Variants in CWC25 observed in about 807,000 individuals in gnomAD.
The protein encoded by CWC25 is pre-mRNA-splicing factor CWC25 homolog.
A neutral mutation model predicts 54.6 loss-of-function variants in CWC25; 31 were observed. That is an observed-to-expected ratio of 0.57 (90% confidence interval 0.43 to 0.77). CWC25 has a LOEUF of 0.77. Among genes scored for constraint, CWC25 ranks in the 30% least tolerant of loss-of-function variants. The probability of loss-of-function intolerance (pLI) is 0.00; values close to 1 mark genes in which losing one functional copy is unlikely to be tolerated. For synonymous variants in CWC25, 151 were observed against 187.0 expected, an observed-to-expected ratio of 0.81 and a Z score of 1.57; for missense variants, 453 against 529.3, an observed-to-expected ratio of 0.86 and a Z score of 1.41.
chr17:38,821,282 C>T lies in CWC25; in HGVS notation c.19-209G>A, dbSNP rs559724064. Reference sequence around the variant, plus strand: ...AAGTGTATAAAGCTTCAGGACAGGTCGGGCGCAGTGGCTCACACCTGTAAT... The same window carrying T: ...AAGTGTATAAAGCTTCAGGACAGGTTGGGCGCAGTGGCTCACACCTGTAAT... On this transcript the variant is annotated intron_variant, in intron 1 of 9. Transcript: ENST00000614790. Among the ~76,000 whole-genome samples the T allele has an allele frequency of 1.3e-4, 20 of 152,192 alleles. No homozygotes were observed. The South Asian group carries it at 2.7e-3, about 21-fold the overall frequency.
chr17:38,823,148 T>C lies in CWC25; in HGVS notation c.18+2018A>G, dbSNP rs963093834. ...CCACCACACCCAGCCTGACTCCAAC[T>C]TTTTTTTTAACTTTTTTTTTTTTTT... On this transcript the variant is annotated intron_variant, in intron 1 of 9. Transcript: ENST00000614790. Among the ~76,000 whole-genome samples the C allele has an allele frequency of 2.0e-5, 3 of 146,740 alleles. No homozygotes were observed. The South Asian group carries it at 6.4e-4, about 31-fold the overall frequency.
chr17:38,822,851 T>A (rs956610559), intron 1 of CWC25, among the ~76,000 whole-genome samples: 5 of 48,560 alleles, frequency 1.0e-4, no homozygotes, highest in African/African-American at 6.5e-4. Context: ...GCCTGGCCAA[T>A]TTTTTTTTTT....
chr17:38,815,849 C>CA (rs1911675720), intron 2 of CWC25: 1 of 327,486 alleles, frequency 3.1e-6, no homozygotes. Context: ...CTTGTGGGCA[C>CA]ACAGACACCA....
chr17:38,816,688 CT>C (rs148427978), intron 2 of CWC25, among the ~76,000 whole-genome samples: 353 of 148,916 alleles, frequency 2.4e-3, no homozygotes, highest in East Asian at 0.013. Flanking sequence ...GGCCATGACC[CT>C]TTTTTTTTTC....
chr17:38,822,282 C>T (rs1255107187), intron 1 of CWC25, among the ~76,000 whole-genome samples: 2 of 152,134 alleles, frequency 1.3e-5, no homozygotes, highest in Admixed American at 1.3e-4. Context: ...AGGCTGGTCT[C>T]AAACTCTCGA....
chr17:38,804,472 C>A (rs1404986811), intron 8 of CWC25, among the ~76,000 whole-genome samples: 2 of 152,004 alleles, frequency 1.3e-5, no homozygotes, highest in Non-Finnish European at 2.9e-5. Flanking sequence ...GAGTTCCAGA[C>A]CAGCCTGGAC....
In CWC25 at chr17:38,810,564, T is replaced by C. The variant is rs1481302342; in HGVS notation, c.530A>G (p.Lys177Arg). The change falls in exon 5 of 10, where the codon AAG becomes AGG. Residue 177 changes from lysine (K) to arginine (R), a missense_variant. Physicochemically the swap from Lys to Arg is conservative, Grantham distance 26. Transcript: ENST00000614790. ...LQMSLEKKEKKKKKEKKKKHK... is the reference protein window; with the variant it reads ...LQMSLEKKEKRKKKEKKKKHK... ...CTTCTTTTTCTTCTCCTTCTTTTTCTTCTTCTCCTTTTTTTCCAGACTCAT... is the reference window on the plus strand; with the variant it reads ...CTTCTTTTTCTTCTCCTTCTTTTTCCTCTTCTCCTTTTTTTCCAGACTCAT... 6.4e-7 allele frequency: 1 copy of C among 1,552,266 alleles called. No individual in the cohort carries two copies. Among genetic ancestry groups the C allele is most frequent in the African/African-American group, 1.4e-5 (1 of 73,834 alleles).
At chr17:38,813,521 A>G (rs1911574321) in intron 3 of CWC25, among the ~76,000 whole-genome samples, 2 of 149,468 alleles carry the variant, frequency 1.3e-5, no homozygotes, top group South Asian at 2.1e-4. Flanking sequence ...AAAGCCAAAA[A>G]TCTCTCACAA....
chr17:38,819,479 G>T (rs228254), intron 2 of CWC25, among the ~76,000 whole-genome samples: 30,801 of 151,186 alleles, frequency 0.2, 3,256 homozygotes, highest in Admixed American at 0.27. Flanking sequence ...CGATTCTCCT[G>T]CCTTAGCTTC....
At position 38,802,000 on chromosome 17, in the gene CWC25, GAAA is replaced by G; in HGVS notation, c.*89_*91del. The G allele has an allele frequency of 1.4e-6, 1 of 735,658 alleles. No homozygotes were observed. The highest frequency in any genetic ancestry group is 1.9e-5 in the South Asian group (1 of 51,958). The allele number at this position is 735,658 out of a possible 1,614,324, so 45.6% of individuals were successfully genotyped here. On this transcript the variant is annotated 3_prime_UTR_variant, in exon 10 of 10. Transcript: ENST00000614790. The stretch of plus-strand genomic sequence containing the variant: ...TGAACACTGGTGGTTTGACATCTGT[GAAA>G]GAAGTCATTTGAACTCTTATAAAGA...
Position 38,814,852 on chromosome 17 carries a change from C to T in CWC25, c.428+9G>A. On this transcript the variant is annotated intron_variant, in intron 3 of 9. Coordinates refer to ENST00000614790, the MANE Select transcript of CWC25 (RefSeq NM_017748.5). ...GTAACAAACCCCCTTCCTAGCCCCC[C>T]ATTAGTACCTGATGATGAAGAGTGG... 6.2e-7 allele frequency: 1 copy of T among 1,606,618 alleles called. No homozygotes were observed.
chr17:38,813,422 G>A (rs1389396980), intron 3 of CWC25, among the ~76,000 whole-genome samples: 1 of 151,262 alleles, frequency 6.6e-6, no homozygotes, highest in Non-Finnish European at 1.5e-5. Flanking sequence ...GCAGTGAGCT[G>A]AGATTGTGCC....
Position 38,820,910 on chromosome 17 carries a change from C to T in CWC25, c.182G>A (p.Gly61Glu). ...CCAGCTCCTCACTTACTTGACGGCC[C>T]CAACATCCTCCGCATAGCGCTGCAT... ...EEMQRYAEDV[G>E]AVKKKEEKLD... The change falls in exon 2 of 10, where the codon GGG becomes GAG. Residue 61 changes from glycine (G) to glutamate (E), a missense_variant. Gly to Glu is a moderately conservative substitution (Grantham distance 98, BLOSUM62 -2). This residue lies in a region of CWC25 where 444 missense variants were observed against 499.2 expected (regional missense o/e 0.89). Coordinates refer to ENST00000614790, the MANE Select transcript of CWC25 (RefSeq NM_017748.5). 3 of 1,611,222 alleles carry T rather than the reference C, an allele frequency of 1.9e-6. No individual in the cohort carries two copies. Among genetic ancestry groups the T allele is most frequent in the Non-Finnish European group, 2.5e-6 (3 of 1,178,862 alleles).
In CWC25 at chr17:38,808,144, G is replaced by A. The variant is rs1911331342; in HGVS notation, c.691-1168C>T. Reference sequence around the variant, plus strand: ...TCACGCCTGTAATCCCAGCACTTTGGGAGGCCAAGACGGGCAGATCACAAG... The same window carrying A: ...TCACGCCTGTAATCCCAGCACTTTGAGAGGCCAAGACGGGCAGATCACAAG... On this transcript the variant is annotated intron_variant, in intron 6 of 9. Transcript: ENST00000614790. Among the ~76,000 whole-genome samples, 2 of 140,412 alleles carry A rather than the reference G, an allele frequency of 1.4e-5. 1 individual carries two copies. Among genetic ancestry groups the A allele is most frequent in the Non-Finnish European group, 3.1e-5 (2 of 63,610 alleles). The allele number at this position is 140,412 out of a possible 152,430, so 92.1% of individuals were successfully genotyped here. A position where few individuals can be genotyped will look rare whatever the true frequency, so the allele number is the denominator to read the frequency against.
intron 1 of CWC25, among the ~76,000 whole-genome samples, chr17:38,821,388 C>T (rs1472176552): frequency 6.6e-6 from 1 of 152,052 alleles, no homozygotes; most frequent in Non-Finnish European, 1.5e-5. Context: ...TGATGAAACG[C>T]CTCTACTGAA....
At chr17:38,813,273 C>G (rs901553623) in intron 3 of CWC25, among the ~76,000 whole-genome samples, 1 of 151,532 alleles carries the variant, frequency 6.6e-6, no homozygotes, top group African/African-American at 2.4e-5. Flanking sequence ...ACCAGCCTGG[C>G]CAACATGGTG....
intron 2 of CWC25, among the ~76,000 whole-genome samples, 158 bp from the exon 3 acceptor site, chr17:38,815,255 G>A (rs1209451644): frequency 6.6e-5 from 10 of 152,018 alleles, no homozygotes; most frequent in African/African-American, 9.7e-5. Context: ...CCATGTGGCC[G>A]GCATAAAGAA....
In CWC25 at chr17:38,820,915, A is replaced by T; in HGVS notation, c.177T>A (p.Asp59Glu). The T allele has an allele frequency of 6.2e-7, 1 of 1,611,514 alleles. No homozygotes were observed. The highest frequency in any genetic ancestry group is 8.5e-7 in the Non-Finnish European group (1 of 1,179,072). Residue 59 changes from aspartate (D) to glutamate (E), a missense_variant, in exon 2 of 10, where the codon GAT (aspartate) becomes GAA (glutamate). Asp to Glu is a conservative substitution (Grantham distance 45, BLOSUM62 2). Transcript: ENST00000614790. Reference protein sequence around the residue: ...AREEMQRYAEDVGAVKKKEEK... With the variant: ...AREEMQRYAEEVGAVKKKEEK... ...TCCTCACTTACTTGACGGCCCCAAC[A>T]TCCTCCGCATAGCGCTGCATCTCTT...
intron 8 of CWC25, among the ~76,000 whole-genome samples, chr17:38,804,753 AG>A (rs1431767296): frequency 2.1e-5 from 3 of 139,974 alleles, no homozygotes; most frequent in Non-Finnish European, 4.5e-5. Context: ...GGTTGCAGTG[AG>A]CCGAGATCGT....
Sources: allele counts gnomAD v4.1 joint callset (sites outside exome capture counted in the v4.1 genomes callset), GRCh38; gene constraint gnomAD v4.1.1; regional missense constraint gnomAD v4.1.1; transcripts MANE v1.5; gene names NCBI Gene and HGNC (gene_info 2026-07-23, HGNC 2026-07-21).